Variants in CIT observed in about 807,000 individuals in gnomAD.
CIT encodes the protein citron rho-interacting serine/threonine kinase.
In CIT, 79 loss-of-function variants were observed where a neutral mutation model predicts 272.7. The ratio of observed to expected loss-of-function variants is 0.29; its 90% confidence interval spans 0.24 to 0.35. The LOEUF (loss-of-function observed/expected upper bound fraction) is 0.35. CIT is among the 10% of genes least tolerant of loss of function. CIT has a pLI of 1.00. For synonymous variants in CIT, 948 were observed against 995.6 expected, an observed-to-expected ratio of 0.95 and a Z score of 0.90; for missense variants, 1,909 against 2,618.3, an observed-to-expected ratio of 0.73 and a Z score of 5.91.
chr12:119,734,073 G>A (rs1958621647), intron 26 of CIT, 91 bp downstream of exon 26: 8 of 1,351,616 alleles, frequency 5.9e-6, no homozygotes, highest in East Asian at 2.4e-5. Context: ...TCTCAGTCTC[G>A]GCGGGAATAG....
chr12:119,876,220 T>C (rs1401472827), intron 1 of CIT, 39 bp from the exon 2 acceptor site: 1 of 1,385,942 alleles, frequency 7.2e-7, no homozygotes, highest in Non-Finnish European at 1.0e-6. Flanking sequence ...GTCCTATGTT[T>C]TGAGCAGGAA....
At chr12:119,793,457 A>G (rs1268141023) in intron 10 of CIT, among the ~76,000 whole-genome samples, 3 of 152,216 alleles carry the variant, frequency 2.0e-5, no homozygotes, top group Non-Finnish European at 4.4e-5. Context: ...TCAGAGGCAC[A>G]CTTTGTGAAA....
intron 12 of CIT, chr12:119,782,857 C>A: frequency 2.2e-6 from 1 of 462,814 alleles, no homozygotes; most frequent in South Asian, 3.0e-5. Flanking sequence ...AGGGATCCAG[C>A]CGGAAACTGC....
chr12:119,724,860 C>T (rs1421534763), intron 28 of CIT, among the ~76,000 whole-genome samples: 1 of 132,558 alleles, frequency 7.5e-6, no homozygotes, highest in East Asian at 2.5e-4. Flanking sequence ...GGCGTGAACC[C>T]GGGAGGCAGA....
intron 10 of CIT, among the ~76,000 whole-genome samples, chr12:119,796,767 G>A (rs1388178176): frequency 6.6e-6 from 1 of 152,218 alleles, no homozygotes; most frequent in Non-Finnish European, 1.5e-5. Flanking sequence ...TACGTACATT[G>A]CAAGAGCCTG....
intron 9 of CIT, among the ~76,000 whole-genome samples, chr12:119,819,701 G>A (rs1180792204): frequency 6.6e-6 from 1 of 152,228 alleles, no homozygotes; most frequent in East Asian, 1.9e-4. Context: ...CAGCATCCAT[G>A]AACTTGGGAA....
chr12:119,807,009 C>T (rs998989607), intron 9 of CIT, among the ~76,000 whole-genome samples: 3 of 152,102 alleles, frequency 2.0e-5, no homozygotes, highest in Non-Finnish European at 4.4e-5. Flanking sequence ...CTGAGGGAAT[C>T]ACATAGAACC....
chr12:119,786,335 C>G (rs1383897720), intron 10 of CIT, among the ~76,000 whole-genome samples: 1 of 152,158 alleles, frequency 6.6e-6, no homozygotes, highest in African/African-American at 2.4e-5. Context: ...ATGCTCCCCC[C>G]ACAGAAAGGG....
At chr12:119,831,555 C>A (rs951409581) in intron 7 of CIT, among the ~76,000 whole-genome samples, 5 of 152,136 alleles carry the variant, frequency 3.3e-5, no homozygotes, top group Admixed American at 2.6e-4. Context: ...CTAATAATAT[C>A]CACTTTTCTG....
Position 119,690,291 on chromosome 12 carries a change from G to A in CIT, c.6046C>T (p.Arg2016Cys), listed in dbSNP as rs1016583716. ...GGGGACTTCTCTCGCTCCAGGGGGCGGCCAGGAGACTTGTCCCTGCGCAGC... is the reference window on the plus strand; with the variant it reads ...GGGGACTTCTCTCGCTCCAGGGGGCAGCCAGGAGACTTGTCCCTGCGCAGC... ...TELRRDKSPG[R>C]PLEREKSPGR... is the part of the protein sequence containing the mutation. Residue 2016 changes from arginine to cysteine, a missense_variant, in exon 47 of 48, where the codon CGC (arginine) becomes TGC (cysteine). Physicochemically the swap from Arg to Cys is radical, Grantham distance 180 (BLOSUM62 -3). Coordinates refer to ENST00000392521, the MANE Select transcript of CIT (RefSeq NM_001206999.2). The surrounding 1 kb of genome is among the most constrained non-coding windows in gnomAD (Gnocchi z 6.0). 6.3e-7 allele frequency: 1 copy of A among 1,587,532 alleles called. No individual in the cohort carries two copies. Among genetic ancestry groups the A allele is most frequent in the Non-Finnish European group, 8.5e-7 (1 of 1,174,920 alleles).
rs751785081 is a variant in CIT at position 119,854,689 on chromosome 12, G to A, written c.414+2834C>T. ...AAGTGGGCCGGGCACGGTGGCTCAC[G>A]CCTGTAATCCCAGCACTTTGGGAGG... On this transcript the variant is annotated intron_variant, in intron 4 of 47. Coordinates refer to ENST00000392521, the MANE Select transcript of CIT (RefSeq NM_001206999.2). Among the ~76,000 whole-genome samples the A allele has an allele frequency of 5.3e-5, 8 of 150,106 alleles. No individual in the cohort carries two copies. In the East Asian group the frequency reaches 6.1e-4, roughly 11 times the overall value.
Position 119,721,468 on chromosome 12 carries a change from A to G in CIT, c.3592-19T>C, listed in dbSNP as rs1957811555. 6.3e-7 allele frequency: 1 copy of G among 1,595,438 alleles called. No individual in the cohort carries two copies. Among genetic ancestry groups the G allele is most frequent in the Non-Finnish European group, 8.6e-7 (1 of 1,164,928 alleles). ...TGGCTTGCTAGTGGGGAGAAGGGCC[A>G]GGGAAATGCTTGATACTGCACACAA... is the stretch of plus-strand genomic sequence containing the variant. On this transcript the variant is annotated intron_variant, in intron 28 of 47. Coordinates refer to ENST00000392521, the MANE Select transcript of CIT (RefSeq NM_001206999.2).
intron 9 of CIT, among the ~76,000 whole-genome samples, chr12:119,812,700 C>T (rs1461113925): frequency 1.3e-5 from 2 of 151,530 alleles, no homozygotes; most frequent in Admixed American, 6.6e-5. Context: ...CCTCTCACCT[C>T]AGCCTCTCAA....
chr12:119,822,964 TCAAAAA>T lies in CIT; in HGVS notation c.961_966del (p.Phe321_Leu322del). 6.2e-7 allele frequency: 1 copy of T among 1,605,856 alleles called. No homozygotes were observed. On this transcript the variant is annotated inframe_deletion, in exon 9 of 48. Coordinates refer to ENST00000392521, the MANE Select transcript of CIT (RefSeq NM_001206999.2). The stretch of plus-strand genomic sequence containing the variant: ...CTCACTTTGGGGTCATCTGGAAATT[TCAAAAA>T]CCGCTGTTCCAAAAAAAATAAGAGA...
intron 47 of CIT, among the ~76,000 whole-genome samples, chr12:119,689,854 T>C (rs975564137): frequency 6.6e-6 from 1 of 151,732 alleles, no homozygotes; most frequent in African/African-American, 2.4e-5. Context: ...ATTTTTTGTA[T>C]TTTTTTCGTA....
intron 17 of CIT, 97 bp downstream of exon 17, chr12:119,772,673 G>T: frequency 7.5e-7 from 1 of 1,327,880 alleles, no homozygotes; most frequent in Non-Finnish European, 1.0e-6. Context: ...AAGCAGCTTT[G>T]GTCAAACATA....
At position 119,688,187 on chromosome 12, in the gene CIT, T is replaced by C. The variant is rs777700944; in HGVS notation, c.*45A>G. 1 of 1,598,776 alleles carries C rather than the reference T, an allele frequency of 6.3e-7. No individual in the cohort carries two copies. The highest frequency in any genetic ancestry group is 8.6e-7 in the Non-Finnish European group (1 of 1,166,048). On this transcript the variant is annotated 3_prime_UTR_variant, in exon 48 of 48. Transcript: ENST00000392521. Reference sequence around the variant, plus strand: ...GCAGAGTTCCATAGTGTGTTTGGTGTTTTCCTGCAGATCAAGATGAGGAGT... The same window carrying C: ...GCAGAGTTCCATAGTGTGTTTGGTGCTTTCCTGCAGATCAAGATGAGGAGT...
At chr12:119,711,131 TCAC>T in intron 37 of CIT, 1 of 1,363,844 alleles carries the variant, frequency 7.3e-7, no homozygotes, top group African/African-American at 1.5e-5. Flanking sequence ...CAGTAAAAGC[TCAC>T]GTGTGAAACG....
Position 119,783,900 on chromosome 12 carries a change from AG to A in CIT, c.1545+7del. 6.4e-7 allele frequency: 1 copy of A among 1,561,634 alleles called. No individual in the cohort carries two copies. Among genetic ancestry groups the A allele is most frequent in the East Asian group, 2.2e-5 (1 of 44,564 alleles). ...CTCCAAGGGAAGGGGGCTTCAGGGA[AG>A]GCTCACACTGCATTCTGTGATGTAG... On this transcript the variant is annotated splice_region_variant and intron_variant, in intron 12 of 47. Coordinates refer to ENST00000392521, the MANE Select transcript of CIT (RefSeq NM_001206999.2).
Sources: gnomAD v4.1 joint callset for allele counts (sites outside exome capture counted in the v4.1 genomes callset) on GRCh38, gnomAD v4.1.1 for gene constraint, Gnocchi (gnomAD v3.1) non-coding constraint, MANE v1.5 for transcripts, NCBI Gene and HGNC (gene_info 2026-07-23, HGNC 2026-07-21) for gene names.